Variants in C17orf107 observed in about 807,000 individuals in gnomAD.
C17orf107 encodes the protein chromosome 17 open reading frame 107, also known as uncharacterized protein C17orf107.
In C17orf107, 9 loss-of-function variants were observed where a neutral mutation model predicts 8.9. The ratio of observed to expected loss-of-function variants is 1.02; its 90% CI spans 0.61 to 1.77. The LOEUF is 1.77. C17orf107 is among the 40% of genes most tolerant of loss of function. The pLI, the probability that C17orf107 is intolerant of heterozygous loss-of-function variation, is 0.00. For missense variants in C17orf107, 281 were observed against 249.0 expected, an observed-to-expected ratio of 1.13 and a Z score of -0.86; for synonymous variants, 139 against 120.3, an observed-to-expected ratio of 1.16 and a Z score of -1.02.
Position 4,900,165 on chromosome 17 carries a change from A to T in C17orf107, c.276+20A>T. 6.5e-7 allele frequency: 1 copy of T among 1,547,342 alleles called. No individual in the cohort carries two copies. ...TTAGAGGTGGGGTACTGGGGGGCTTAGGATACGCGGCGATCGGGTAGCGGG... is the reference window on the plus strand; with the variant it reads ...TTAGAGGTGGGGTACTGGGGGGCTTTGGATACGCGGCGATCGGGTAGCGGG... On this transcript the variant is annotated intron_variant, in intron 2 of 2. Transcript: ENST00000381365.
rs1969928274 is a variant in C17orf107, at chr17:4,900,141, T to C, written c.272T>C (p.Leu91Ser). The C allele has an allele frequency of 1.3e-6, 2 of 1,549,980 alleles. No homozygotes were observed. Among genetic ancestry groups the C allele is most frequent in the South Asian group, 1.2e-5 (1 of 84,010 alleles). The stretch of plus-strand genomic sequence containing the variant: ...CTCGTGAGCTTCGGCACCACCTTGT[T>C]AGAGGTGGGGTACTGGGGGGCTTAG... ...ASLVSFGTTL[L>S]EISALWLQQE... The change falls in exon 2 of 3, where the codon TTA becomes TCA. Residue 91 changes from leucine to serine, a missense_variant. Physicochemically the swap from Leu to Ser is moderately radical, Grantham distance 145. Coordinates refer to ENST00000381365, the MANE Select transcript of C17orf107 (RefSeq NM_001145536.2).
downstream of C17orf107, among the ~76,000 whole-genome samples, chr17:4,904,824 CAG>C (rs946642608): frequency 2.6e-5 from 4 of 152,192 alleles, no homozygotes; most frequent in Admixed American, 1.3e-4. Context: ...CATCAAATAA[CAG>C]AGTGTCCTCC....
In C17orf107 at chr17:4,902,351, G is replaced by C. The variant is rs140756451; in HGVS notation, c.*1818G>C. On this transcript the variant is annotated 3_prime_UTR_variant, in exon 3 of 3. Coordinates refer to ENST00000381365, the MANE Select transcript of C17orf107 (RefSeq NM_001145536.2). The surrounding 1 kb of genome is among the most constrained non-coding windows in gnomAD (Gnocchi z 4.0). ...CCTAAGGGGTGGGGGATGGAAGGCC[G>C]CGTGCCCTGCATCTCCCACCTGGCG... 3.7e-6 allele frequency: 6 copies of C among 1,613,050 alleles called. No individual in the cohort carries two copies. The highest frequency in any genetic ancestry group is 5.1e-6 in the Non-Finnish European group (6 of 1,179,000).
At position 4,900,396 on chromosome 17, in the gene C17orf107, C is replaced by T. The variant is rs988348282; in HGVS notation, c.436C>T (p.Leu146Phe). 87 of 1,550,332 alleles carry T rather than the reference C, an allele frequency of 5.6e-5. No homozygotes were observed. Among genetic ancestry groups the T allele is most frequent in the Non-Finnish European group, 7.0e-5 (80 of 1,146,806 alleles). ...AGAAVGASARLLVQGAWLCLC... is the reference protein window; with the variant it reads ...AGAAVGASARFLVQGAWLCLC... ...GGCTGCGGTGGGCGCCAGCGCCCGGCTCCTAGTCCAGGGAGCATGGCTATG... is the reference window on the plus strand; with the variant it reads ...GGCTGCGGTGGGCGCCAGCGCCCGGTTCCTAGTCCAGGGAGCATGGCTATG... The change falls in exon 3 of 3, where the codon CTC (leucine) becomes TTC (phenylalanine). Residue 146 changes from leucine to phenylalanine, a missense_variant. Physicochemically the swap from Leu to Phe is conservative, Grantham distance 22 (BLOSUM62 0). Transcript: ENST00000381365.
chr17:4,903,169 G>A (rs551650218), downstream of C17orf107: 122 of 1,156,612 alleles, frequency 1.1e-4, 1 homozygote, highest in South Asian at 6.9e-4. Context: ...GGGCTGTTAG[G>A]GGACTGTCAC....
In C17orf107 at chr17:4,901,905, T is replaced by C. The variant is rs747032583; in HGVS notation, c.*1372T>C. On this transcript the variant is annotated 3_prime_UTR_variant, in exon 3 of 3. Transcript: ENST00000381365. ...TAAGGCCCCCCCCCAACAATAATCG[T>C]CCGGGCCTCGGAGTAGCTCTTCCCA... 5 of 1,114,216 alleles carry C rather than the reference T, an allele frequency of 4.5e-6. No individual in the cohort carries two copies. Among genetic ancestry groups the C allele is most frequent in the Non-Finnish European group, 6.4e-6 (5 of 785,018 alleles). The allele number at this position is 1,114,216 out of a possible 1,614,324, so 69.0% of individuals were successfully genotyped here.
rs1240531731 is a variant in C17orf107 at position 4,900,323 on chromosome 17, G to A, written c.363G>A (p.Ala121=). 10 of 1,545,418 alleles carry A rather than the reference G, an allele frequency of 6.5e-6. No homozygotes were observed. The highest frequency in any genetic ancestry group is 4.9e-5 in the East Asian group (2 of 40,898). ...CAGACGGCAGGGATCCGGGTGCAGC[G>A]CTGAGCCGGGTAGCCCAAGCCGCAG... The part of the protein sequence containing the change: ...PAPDGRDPGA[A]LSRVAQAAGQ... The change falls in exon 3 of 3, where the codon GCG becomes GCA. Residue 121 remains alanine, a synonymous_variant. Coordinates refer to ENST00000381365, the MANE Select transcript of C17orf107 (RefSeq NM_001145536.2).
In C17orf107 at chr17:4,900,849, CAAG is replaced by C. The variant is rs1178008902; in HGVS notation, c.*321_*323del. The C allele has an allele frequency of 6.2e-6, 10 of 1,614,204 alleles. No homozygotes were observed. Among genetic ancestry groups the C allele is most frequent in the Non-Finnish European group, 7.6e-6 (9 of 1,180,008 alleles). ...CTGGGATTTTCTGGGCAATGAGGAA[CAAG>C]AAGACGGTCTGGGCGAGCAGGACGT... On this transcript the variant is annotated 3_prime_UTR_variant, in exon 3 of 3. Transcript: ENST00000381365.
At position 4,901,576 on chromosome 17, in the gene C17orf107, T is replaced by C. The variant is rs1969986085; in HGVS notation, c.*1043T>C. On this transcript the variant is annotated 3_prime_UTR_variant, in exon 3 of 3. Transcript: ENST00000381365. ...ATCTTGTTGATGGTCTTGCCGTCGT[T>C]GTCTACGGCAAAAGTGAACTCCACC... 1 of 1,614,012 alleles carries C rather than the reference T, an allele frequency of 6.2e-7. No homozygotes were observed. The highest frequency in any genetic ancestry group is 1.3e-5 in the African/African-American group (1 of 74,916).
downstream of C17orf107, among the ~76,000 whole-genome samples, chr17:4,903,842 C>T (rs977910852): frequency 2.6e-5 from 4 of 152,090 alleles, no homozygotes; most frequent in African/African-American, 9.7e-5. Context: ...CTTAATAGAT[C>T]CTTTTGATGT....
chr17:4,905,397 T>C (rs948548694), downstream of C17orf107, among the ~76,000 whole-genome samples: 6 of 151,422 alleles, frequency 4.0e-5, no homozygotes, highest in South Asian at 2.1e-4. Flanking sequence ...CAAAAATAAA[T>C]AAACAACAAC....
intron 2 of C17orf107, 30 bp from the exon 3 acceptor site, chr17:4,900,207 T>C: frequency 6.5e-7 from 1 of 1,543,440 alleles, no homozygotes. Flanking sequence ...GACCTCTGCC[T>C]CCCCGCTAAC....
chr17:4,900,441 C>T lies in C17orf107; in HGVS notation c.481C>T (p.Gln161Ter), dbSNP rs1217855507. ...AWLCLCGRGL[Q>*]GSASFLRQSQ... ...GCTATGCCTGTGTGGACGGGGTCTG[C>T]AGGGGTCTGCCTCATTCCTGCGACA... is the stretch of plus-strand genomic sequence containing the variant. The change falls in exon 3 of 3, where the codon CAG (glutamine) becomes TAG (stop). Residue 161 changes from glutamine to a stop codon, truncating the protein, a stop_gained. Coordinates refer to ENST00000381365, the MANE Select transcript of C17orf107 (RefSeq NM_001145536.2). LOFTEE classifies it low-confidence loss of function (END_TRUNC). 6.4e-7 allele frequency: 1 copy of T among 1,551,030 alleles called. No homozygotes were observed. The highest frequency in any genetic ancestry group is 8.7e-7 in the Non-Finnish European group (1 of 1,146,928).
rs2151097994 is a variant in C17orf107 at position 4,901,765 on chromosome 17, T to G, written c.*1232T>G. ...CCCAAGCCCAGCCCGCACGCCTCTG[T>G]TCCCATCTGTACCTCCGGCCGCGCT... On this transcript the variant is annotated 3_prime_UTR_variant, in exon 3 of 3. Coordinates refer to ENST00000381365, the MANE Select transcript of C17orf107 (RefSeq NM_001145536.2). The G allele has an allele frequency of 8.2e-7, 1 of 1,217,210 alleles. No homozygotes were observed. Among genetic ancestry groups the G allele is most frequent in the East Asian group, 2.4e-5 (1 of 41,088 alleles). 75.4% of individuals were successfully genotyped at this position (1,217,210 alleles called of 1,614,324 possible). A position where few individuals can be genotyped will look rare whatever the true frequency, so the allele number is the denominator to read the frequency against.
Position 4,901,052 on chromosome 17 carries a change from A to T in C17orf107, c.*519A>T, listed in dbSNP as rs1322605830. 2 of 1,614,022 alleles carry T rather than the reference A, an allele frequency of 1.2e-6. No homozygotes were observed. Among genetic ancestry groups the T allele is most frequent in the African/African-American group, 1.3e-5 (1 of 75,040 alleles). ...CGAGATGAGCACACAGGGCACGATG[A>T]TGTTAATGACGTAGAAGAGCGGCTT... On this transcript the variant is annotated 3_prime_UTR_variant, in exon 3 of 3. Transcript: ENST00000381365.
chr17:4,901,097 T>A lies in C17orf107; in HGVS notation c.*564T>A, dbSNP rs760118625. 2 of 1,613,228 alleles carry A rather than the reference T, an allele frequency of 1.2e-6. No individual in the cohort carries two copies. The highest frequency in any genetic ancestry group is 1.7e-6 in the Non-Finnish European group (2 of 1,179,844). On this transcript the variant is annotated 3_prime_UTR_variant, in exon 3 of 3. Coordinates refer to ENST00000381365, the MANE Select transcript of C17orf107 (RefSeq NM_001145536.2). The stretch of plus-strand genomic sequence containing the variant: ...CGGCTTCCGGCGGATGATGAGCGAG[T>A]AGATGACGTCAGTCTCCCCTGGGCC...
At chr17:4,904,420 T>C (rs1597624522), downstream of C17orf107, among the ~76,000 whole-genome samples, 1 of 152,210 alleles carries the variant, frequency 6.6e-6, no homozygotes, top group African/African-American at 2.4e-5. Context: ...GTGCTTATTT[T>C]AAATTCAGAT....
At position 4,900,419 on chromosome 17, in the gene C17orf107, A is replaced by G; in HGVS notation, c.459A>G (p.Leu153=). The G allele has an allele frequency of 4.5e-6, 7 of 1,550,964 alleles. No individual in the cohort carries two copies. Among genetic ancestry groups the G allele is most frequent in the Non-Finnish European group, 6.1e-6 (7 of 1,146,948 alleles). ...GGCTCCTAGTCCAGGGAGCATGGCT[A>G]TGCCTGTGTGGACGGGGTCTGCAGG... ...SARLLVQGAW[L]CLCGRGLQGS... The change falls in exon 3 of 3, where the codon CTA becomes CTG. Residue 153 remains leucine, a synonymous_variant. Transcript: ENST00000381365.
At position 4,901,102 on chromosome 17, in the gene C17orf107, G is replaced by A. The variant is rs1597619417; in HGVS notation, c.*569G>A. The A allele has an allele frequency of 1.2e-6, 2 of 1,613,648 alleles. No homozygotes were observed. The highest frequency in any genetic ancestry group is 2.2e-5 in the East Asian group (1 of 44,848). ...TCCGGCGGATGATGAGCGAGTAGAT[G>A]ACGTCAGTCTCCCCTGGGCCGTCGG... On this transcript the variant is annotated 3_prime_UTR_variant, in exon 3 of 3. Transcript: ENST00000381365.
Sources: allele counts gnomAD v4.1 joint callset (sites outside exome capture counted in the v4.1 genomes callset), GRCh38; gene constraint gnomAD v4.1.1; non-coding constraint Gnocchi (gnomAD v3.1); transcripts MANE v1.5; gene names NCBI Gene and HGNC (gene_info 2026-07-23, HGNC 2026-07-21).